The following TAFA5 variants were observed in gnomAD, a reference collection of about 807,000 sequenced individuals.
TAFA5 encodes the protein chemokine-like protein TAFA-5.
A neutral mutation model predicts 15.3 loss-of-function variants in TAFA5; 6 were observed. That is an observed-to-expected ratio of 0.39 (90% CI 0.21 to 0.77). The LOEUF (loss-of-function observed/expected upper bound fraction) is 0.77. Ranked by LOEUF, TAFA5 falls within the 30% of genes least tolerant of loss-of-function variation. The pLI is 0.41. For missense variants in TAFA5, 161 were observed against 193.1 expected, an observed-to-expected ratio of 0.83 and a Z score of 0.98; for synonymous variants, 103 against 80.7, an observed-to-expected ratio of 1.28 and a Z score of -1.48.
chr22:48,560,119 C>G lies in TAFA5; in HGVS notation c.112+70415C>G, dbSNP rs369798651. On this transcript the variant is annotated intron_variant, in intron 1 of 3. Coordinates refer to ENST00000402357, the MANE Select transcript of TAFA5 (RefSeq NM_001082967.3). This position sits in a 1 kb window ranked among gnomAD's most constrained non-coding sequence, Gnocchi z 4.2. ...ATAGGATTTGGGGACCTCCACGTGC[C>G]GTCCCATGGGAAAGCCGAGTCCTTG... Among the ~76,000 whole-genome samples the G allele has an allele frequency of 6.6e-6, 1 of 152,168 alleles. No individual in the cohort carries two copies. Among genetic ancestry groups the G allele is most frequent in the Non-Finnish European group, 1.5e-5 (1 of 68,028 alleles).
intron 1 of TAFA5, among the ~76,000 whole-genome samples, chr22:48,583,479 A>G (rs1251620910): frequency 6.9e-6 from 1 of 144,876 alleles, no homozygotes; most frequent in East Asian, 2.0e-4. Flanking sequence ...CACACCACAT[A>G]CAAAATACAC....
intron 2 of TAFA5, among the ~76,000 whole-genome samples, chr22:48,681,727 C>T (rs1322426710): frequency 6.6e-6 from 1 of 151,988 alleles, no homozygotes. Context: ...TTCCCTGATT[C>T]TCAGACAGAA....
intron 1 of TAFA5, among the ~76,000 whole-genome samples, chr22:48,582,609 C>A (rs1213468827): frequency 7.1e-5 from 10 of 141,354 alleles, no homozygotes; most frequent in African/African-American, 2.4e-4. Flanking sequence ...CACCACACGC[C>A]ACACACAAAA....
chr22:48,669,603 G>A (rs562686412), intron 2 of TAFA5, among the ~76,000 whole-genome samples: 13 of 152,352 alleles, frequency 8.5e-5, no homozygotes, highest in African/African-American at 3.1e-4. Flanking sequence ...GAATAATGAC[G>A]AGAGGATGCC....
chr22:48,695,352 A>G (rs1928678170), intron 2 of TAFA5, among the ~76,000 whole-genome samples: 1 of 152,154 alleles, frequency 6.6e-6, no homozygotes, highest in African/African-American at 2.4e-5. Flanking sequence ...GTTTCTGACG[A>G]TATCTGAGTA....
chr22:48,618,148 G>T (rs1186104782), intron 1 of TAFA5, among the ~76,000 whole-genome samples: 1 of 152,182 alleles, frequency 6.6e-6, no homozygotes, highest in Non-Finnish European at 1.5e-5. Context: ...GATTGTGGGT[G>T]CAGTCGAGCC....
At position 48,506,209 on chromosome 22, in the gene TAFA5, G is replaced by T. The variant is rs1012214557; in HGVS notation, c.112+16505G>T. 5.3e-5 allele frequency among the ~76,000 whole-genome samples: 8 copies of T among 152,170 alleles called. No individual in the cohort carries two copies. The South Asian group carries it at 6.2e-4, about 12-fold the overall frequency. On this transcript the variant is annotated intron_variant, in intron 1 of 3. Transcript: ENST00000402357. The stretch of plus-strand genomic sequence containing the variant: ...GCACTTGTTCACCCCTGGTCTCCAT[G>T]ACCTTTCATGACTTGACCTTGCATG...
intron 2 of TAFA5, among the ~76,000 whole-genome samples, chr22:48,699,527 C>T (rs1187107148): frequency 1.3e-5 from 2 of 152,114 alleles, no homozygotes; most frequent in Non-Finnish European, 2.9e-5. Context: ...TACATTTCCC[C>T]GCGTTCCGTT....
At chr22:48,603,625 C>T (rs964937939) in intron 1 of TAFA5, among the ~76,000 whole-genome samples, 1 of 152,178 alleles carries the variant, frequency 6.6e-6, no homozygotes, top group Non-Finnish European at 1.5e-5. Context: ...CTGCCCTGGC[C>T]CTGCGCTGAG....
At chr22:48,646,845 G>A in intron 2 of TAFA5, 99 bp downstream of exon 2, 1 of 1,403,812 alleles carries the variant, frequency 7.1e-7, no homozygotes, top group Non-Finnish European at 9.5e-7. Flanking sequence ...GGTCCCCCTA[G>A]GCCTCAGCGC....
At chr22:48,712,655 T>C (rs927089643) in intron 3 of TAFA5, among the ~76,000 whole-genome samples, 1 of 152,216 alleles carries the variant, frequency 6.6e-6, no homozygotes, top group African/African-American at 2.4e-5. Flanking sequence ...TGGCTCTACC[T>C]TGTGGACGTC....
At chr22:48,712,790 G>A (rs958518934) in intron 3 of TAFA5, among the ~76,000 whole-genome samples, 3 of 152,326 alleles carry the variant, frequency 2.0e-5, no homozygotes, top group African/African-American at 4.8e-5. Flanking sequence ...GCTGCTGTCC[G>A]CCCTCCTTCC....
intron 1 of TAFA5, among the ~76,000 whole-genome samples, chr22:48,501,076 C>T (rs191004613): frequency 8.7e-4 from 132 of 152,314 alleles, no homozygotes; most frequent in African/African-American, 3.0e-3. Flanking sequence ...CCTTGTCACC[C>T]CCACCCTTCC....
chr22:48,719,101 T>A (rs1929490722), intron 3 of TAFA5, among the ~76,000 whole-genome samples: 1 of 152,194 alleles, frequency 6.6e-6, no homozygotes, highest in Non-Finnish European at 1.5e-5. Flanking sequence ...ATTTTCAACT[T>A]TTTCTTTTGA....
chr22:48,735,835 C>T (rs1272033636), intron 3 of TAFA5, among the ~76,000 whole-genome samples: 3 of 131,976 alleles, frequency 2.3e-5, no homozygotes, highest in African/African-American at 1.1e-4. Flanking sequence ...TCCATCCCCC[C>T]AGGAGGAATG....
At chr22:48,494,715 C>T (rs957687994) in intron 1 of TAFA5, among the ~76,000 whole-genome samples, 46 of 152,182 alleles carry the variant, frequency 3.0e-4, no homozygotes, top group African/African-American at 1.1e-3. Flanking sequence ...AGCCACCCTG[C>T]TCCTCCCTTC....
chr22:48,624,993 T>C (rs1462530372), intron 1 of TAFA5, among the ~76,000 whole-genome samples: 1 of 152,000 alleles, frequency 6.6e-6, no homozygotes, highest in East Asian at 1.9e-4. Context: ...CGGGCACCTG[T>C]AATCCCAGCC....
intron 1 of TAFA5, among the ~76,000 whole-genome samples, chr22:48,563,487 T>A (rs1391954661): frequency 6.6e-6 from 1 of 152,084 alleles, no homozygotes; most frequent in Non-Finnish European, 1.5e-5. Flanking sequence ...TGAAGGCGGG[T>A]GGCGTGTGGG....
intron 3 of TAFA5, among the ~76,000 whole-genome samples, chr22:48,716,894 A>AT (rs1929418143): frequency 6.6e-6 from 1 of 152,214 alleles, no homozygotes; most frequent in Non-Finnish European, 1.5e-5. Context: ...AGAGAGTGGA[A>AT]TTTTCTAAAA....
Sources: allele counts gnomAD v4.1 joint callset (sites outside exome capture counted in the v4.1 genomes callset), GRCh38; gene constraint gnomAD v4.1.1; non-coding constraint Gnocchi (gnomAD v3.1); transcripts MANE v1.5; gene names NCBI Gene and HGNC (gene_info 2026-07-23, HGNC 2026-07-21).